SLC44A5: variants seen among roughly 807,000 people sequenced by gnomAD.
SLC44A5 encodes the protein choline transporter-like protein 5.
A neutral mutation model predicts 101.8 loss-of-function variants in SLC44A5; 57 were observed. The ratio of observed to expected loss-of-function variants is 0.56; its 90% CI spans 0.45 to 0.70. The LOEUF (loss-of-function observed/expected upper bound fraction) is 0.70, where lower values mean the gene tolerates loss of function less well. Among genes scored for constraint, SLC44A5 ranks in the 30% least tolerant of loss-of-function variants. The pLI is 0.00. For missense variants in SLC44A5, 737 were observed against 853.1 expected, an observed-to-expected ratio of 0.86 and a Z score of 1.70; for synonymous variants, 281 against 290.9, an observed-to-expected ratio of 0.97 and a Z score of 0.35.
intron 1 of SLC44A5, among the ~76,000 whole-genome samples, chr1:75,595,986 T>C (rs1191055882): frequency 6.6e-6 from 1 of 152,202 alleles, no homozygotes; most frequent in Non-Finnish European, 1.5e-5. Flanking sequence ...ACCTATTGAC[T>C]AGCTTTCTGA....
At chr1:75,706,514 G>T in the SLC44A5 span, among the ~76,000 whole-genome samples, 1 of 151,986 alleles carries the variant, frequency 6.6e-6, no homozygotes, top group Non-Finnish European at 1.5e-5. Flanking sequence ...TGATTTCTGA[G>T]AGTATTACAT....
chr1:75,518,682 T>C (rs1669963718), intron 2 of SLC44A5, among the ~76,000 whole-genome samples: 1 of 152,260 alleles, frequency 6.6e-6, no homozygotes, highest in African/African-American at 2.4e-5. Context: ...ATTCTATCTG[T>C]TAAAAACTTC....
chr1:75,697,741 C>T, the SLC44A5 span, among the ~76,000 whole-genome samples: 4 of 152,178 alleles, frequency 2.6e-5, no homozygotes, highest in Non-Finnish European at 4.4e-5. Flanking sequence ...TCTGAGGTAC[C>T]GGGTTCATCT....
At chr1:75,611,267 C>A (rs183756839), upstream of SLC44A5, among the ~76,000 whole-genome samples, 1 of 152,254 alleles carries the variant, frequency 6.6e-6, no homozygotes, top group African/African-American at 2.4e-5. Context: ...GAACAAAGTC[C>A]TGGAGCTATA....
At chr1:75,519,660 C>T (rs1458806495) in intron 2 of SLC44A5, among the ~76,000 whole-genome samples, 1 of 152,198 alleles carries the variant, frequency 6.6e-6, no homozygotes, top group East Asian at 1.9e-4. Flanking sequence ...ATGCAATATT[C>T]CACAAATAAT....
At chr1:75,669,929 G>C in the SLC44A5 span, among the ~76,000 whole-genome samples, 6 of 152,100 alleles carry the variant, frequency 3.9e-5, no homozygotes, top group African/African-American at 1.4e-4. Flanking sequence ...TCTGTTTTGA[G>C]GGTTGAATTA....
At chr1:75,548,896 G>C (rs1671791906) in intron 1 of SLC44A5, among the ~76,000 whole-genome samples, 1 of 152,056 alleles carries the variant, frequency 6.6e-6, no homozygotes, top group Admixed American at 6.6e-5. Context: ...ACAGGAGGTT[G>C]GTAATTTGAA....
At chr1:75,616,655 C>T in the SLC44A5 span, among the ~76,000 whole-genome samples, 1 of 152,182 alleles carries the variant, frequency 6.6e-6, no homozygotes, top group Admixed American at 6.5e-5. Context: ...CCGAAGCGCG[C>T]GGTTGCCTCT....
rs1388401958 is a variant in SLC44A5 at position 75,330,104 on chromosome 1, TATACACAC to T, written c.101+9470_101+9477del. ...CTGTGTGGCAAATGAAATATATATA[TATACACAC>T]ACACACACACACACACACACACACA... On this transcript the variant is annotated intron_variant, in intron 4 of 23. Transcript: ENST00000370859. Among the ~76,000 whole-genome samples the T allele has an allele frequency of 8.3e-3, 1,195 of 144,172 alleles. 9 individuals carry two copies. Among genetic ancestry groups the T allele is most frequent in the Middle Eastern group, 0.036 (10 of 280 alleles). 94.6% of individuals were successfully genotyped at this position (144,172 alleles called of 152,430 possible).
intron 2 of SLC44A5, among the ~76,000 whole-genome samples, chr1:75,421,206 C>A (rs1557767658): frequency 6.6e-6 from 1 of 151,848 alleles, no homozygotes; most frequent in South Asian, 2.1e-4. Context: ...TAAAAATATA[C>A]CTAAAATCAT....
intron 2 of SLC44A5, among the ~76,000 whole-genome samples, chr1:75,432,875 C>T (rs1664690990): frequency 6.6e-6 from 1 of 152,094 alleles, no homozygotes. Flanking sequence ...TGGATTTAAA[C>T]TGAGAGTTCT....
intron 5 of SLC44A5, among the ~76,000 whole-genome samples, chr1:75,291,686 G>A (rs1331631089): frequency 3.9e-5 from 6 of 152,160 alleles, no homozygotes; most frequent in South Asian, 2.1e-4. Context: ...GGGTACTGAG[G>A]ACAGAAAGGA....
At chr1:75,431,440 A>G in intron 2 of SLC44A5, among the ~76,000 whole-genome samples, 1 of 152,322 alleles carries the variant, frequency 6.6e-6, no homozygotes, top group East Asian at 1.9e-4. Flanking sequence ...CTTTAAATGA[A>G]TGTGAGATAT....
chr1:75,483,988 A>G (rs1309413460), intron 2 of SLC44A5, among the ~76,000 whole-genome samples: 1 of 152,098 alleles, frequency 6.6e-6, no homozygotes, highest in Non-Finnish European at 1.5e-5. Context: ...CAAGGGAGAA[A>G]TCCACCCCCA....
intron 1 of SLC44A5, among the ~76,000 whole-genome samples, chr1:75,562,347 T>C (rs1672563691): frequency 6.6e-6 from 1 of 152,138 alleles, no homozygotes; most frequent in African/African-American, 2.4e-5. Context: ...TCACCAGGTT[T>C]TCTACAATTT....
chr1:75,604,010 T>C (rs987563885), intron 1 of SLC44A5, among the ~76,000 whole-genome samples: 14 of 152,112 alleles, frequency 9.2e-5, no homozygotes, highest in African/African-American at 2.9e-4. Flanking sequence ...CAAAAGCTAC[T>C]CAGTTTAATT....
chr1:75,322,299 GA>G (rs1656219825), intron 4 of SLC44A5, among the ~76,000 whole-genome samples: 1 of 151,970 alleles, frequency 6.6e-6, no homozygotes, highest in East Asian at 1.9e-4. Flanking sequence ...GCAACAGAGC[GA>G]GACTCCATCT....
rs544522092 is a variant in SLC44A5, at chr1:75,390,234, G to A, written c.52+6349C>T. On this transcript the variant is annotated intron_variant, in intron 3 of 23. Transcript: ENST00000370859. Reference sequence around the variant, plus strand: ...AGCCAAATTCTACCAGGTGTATAAAGAAGAGCTGGTACCAATCTTACTGAA... The same window carrying A: ...AGCCAAATTCTACCAGGTGTATAAAAAAGAGCTGGTACCAATCTTACTGAA... Among the ~76,000 whole-genome samples, 3 of 152,058 alleles carry A rather than the reference G, an allele frequency of 2.0e-5. No homozygotes were observed. The East Asian group carries it at 5.8e-4, about 29-fold the overall frequency.
the SLC44A5 span, among the ~76,000 whole-genome samples, chr1:75,679,712 C>A: frequency 1.3e-5 from 2 of 151,800 alleles, no homozygotes; most frequent in Non-Finnish European, 2.9e-5. Flanking sequence ...AACTAACAAG[C>A]AAAATAACCA....
Sources: allele counts gnomAD v4.1 joint callset (sites outside exome capture counted in the v4.1 genomes callset), GRCh38; gene constraint gnomAD v4.1.1; transcripts MANE v1.5; gene names NCBI Gene and HGNC (gene_info 2026-07-23, HGNC 2026-07-21).